DAPP1: variants seen among roughly 807,000 people sequenced by gnomAD.
DAPP1 encodes the protein dual adapter for phosphotyrosine and 3-phosphotyrosine and 3-phosphoinositide.
A neutral mutation model predicts 41.5 loss-of-function variants in DAPP1; 20 were observed. The ratio of observed to expected loss-of-function variants is 0.48; its 90% CI spans 0.34 to 0.70. The LOEUF is 0.70. Among genes scored for constraint, DAPP1 ranks in the 30% least tolerant of loss-of-function variants. The pLI is 0.01. For synonymous variants in DAPP1, 113 were observed against 116.2 expected, an observed-to-expected ratio of 0.97 and a Z score of 0.18; for missense variants, 233 against 333.4, an observed-to-expected ratio of 0.70 and a Z score of 2.35.
chr4:99,821,896 A>G (rs951397397), intron 1 of DAPP1, among the ~76,000 whole-genome samples: 6 of 152,254 alleles, frequency 3.9e-5, no homozygotes, highest in Non-Finnish European at 5.9e-5. Flanking sequence ...TCAGAACATT[A>G]TTGAATTTTG....
rs555970999 is a variant in DAPP1 at position 99,827,396 on chromosome 4, G to A, written c.102-8227G>A. Among the ~76,000 whole-genome samples the A allele has an allele frequency of 1.2e-4, 18 of 152,020 alleles. 1 individual carries two copies. Among genetic ancestry groups the A allele is most frequent in the Non-Finnish European group, 8.8e-5 (6 of 67,980 alleles). ...AAAAATACAAAAATTAGCCAGGTGT[G>A]GTGGTGGGCACTTGTAGTCCCAGCT... On this transcript the variant is annotated intron_variant, in intron 1 of 8. Coordinates refer to ENST00000512369, the MANE Select transcript of DAPP1 (RefSeq NM_014395.3).
At chr4:99,841,328 T>A (rs1723489402) in intron 3 of DAPP1, among the ~76,000 whole-genome samples, 1 of 152,216 alleles carries the variant, frequency 6.6e-6, no homozygotes, top group South Asian at 2.1e-4. Context: ...GTGGTGTGGG[T>A]AGTCCCTGAT....
At chr4:99,850,559 G>A (rs1335963211) in intron 3 of DAPP1, among the ~76,000 whole-genome samples, 1 of 152,164 alleles carries the variant, frequency 6.6e-6, no homozygotes, top group East Asian at 1.9e-4. Flanking sequence ...CATCAACTTT[G>A]AAGATAAAGT....
intron 4 of DAPP1, among the ~76,000 whole-genome samples, chr4:99,854,319 T>C (rs1723970491): frequency 6.6e-6 from 1 of 152,214 alleles, no homozygotes; most frequent in Non-Finnish European, 1.5e-5. Context: ...ACTCCTGGTA[T>C]AAGAAACCTC....
chr4:99,871,777 A>G (rs1365542083), downstream of DAPP1, among the ~76,000 whole-genome samples: 1 of 152,246 alleles, frequency 6.6e-6, no homozygotes, highest in Non-Finnish European at 1.5e-5. Flanking sequence ...AGGCATCATT[A>G]GAGGGGAAAG....
chr4:99,816,942 A>G lies in DAPP1; in HGVS notation c.29A>G (p.Lys10Arg). Residue 10 changes from lysine (K) to arginine (R), a missense_variant, in exon 1 of 9, where the codon AAG becomes AGG. By Grantham distance (26) the Lys-to-Arg change is conservative (BLOSUM62 2). Coordinates refer to ENST00000512369, the MANE Select transcript of DAPP1 (RefSeq NM_014395.3). MGRAELLEG[K>R]MSTQDPSDLW... ...GGCAGAGCAGAACTTCTAGAAGGGA[A>G]GATGAGCACCCAGGATCCCTCAGAT... The G allele has an allele frequency of 2.5e-6, 4 of 1,609,304 alleles. No homozygotes were observed. The highest frequency in any genetic ancestry group is 1.3e-5 in the African/African-American group (1 of 74,974).
At chr4:99,837,692 G>A (rs75309188) in intron 2 of DAPP1, among the ~76,000 whole-genome samples, 4,195 of 152,234 alleles carry the variant, frequency 0.028, 56 homozygotes, top group Middle Eastern at 0.041. Context: ...GCCACAGACC[G>A]GAGCAGCGGC....
intron 1 of DAPP1, among the ~76,000 whole-genome samples, chr4:99,830,764 TTCTCTCTCTCTCTCTTTCTCTTTC>T (rs1560690541): frequency 1.3e-5 from 2 of 151,238 alleles, no homozygotes. Flanking sequence ...AACTCTCTCT[TTCTCTCTCTCTCTCTTTCTCTTTC>T]TCTCTCTCTC....
At chr4:99,841,697 T>C (rs974669837) in intron 3 of DAPP1, among the ~76,000 whole-genome samples, 1 of 152,248 alleles carries the variant, frequency 6.6e-6, no homozygotes, top group African/African-American at 2.4e-5. Flanking sequence ...TCACTGGCCA[T>C]GTAGAGGAGA....
At chr4:99,842,995 A>C (rs1460634367) in intron 3 of DAPP1, among the ~76,000 whole-genome samples, 1 of 152,112 alleles carries the variant, frequency 6.6e-6, no homozygotes, top group African/African-American at 2.4e-5. Flanking sequence ...TTTGATTAAC[A>C]TCACCAGGAA....
intron 1 of DAPP1, among the ~76,000 whole-genome samples, chr4:99,818,285 C>G (rs1315839027): frequency 1.3e-5 from 2 of 152,154 alleles, no homozygotes; most frequent in South Asian, 4.1e-4. Flanking sequence ...GTAAAAGGCC[C>G]TTCTGTGAGC....
intron 1 of DAPP1, among the ~76,000 whole-genome samples, chr4:99,835,271 A>G (rs554041846): frequency 2.6e-5 from 4 of 152,138 alleles, no homozygotes; most frequent in Non-Finnish European, 5.9e-5. Context: ...GGCCTCCCAA[A>G]GTGCTGGGAT....
At chr4:99,860,570 T>C (rs1485611245) in intron 4 of DAPP1, among the ~76,000 whole-genome samples, 1 of 152,220 alleles carries the variant, frequency 6.6e-6, no homozygotes, top group Non-Finnish European at 1.5e-5. Context: ...ATCATAAGAT[T>C]TTAAAAGAAG....
chr4:99,855,314 A>G (rs1724007916), intron 4 of DAPP1, among the ~76,000 whole-genome samples: 1 of 152,190 alleles, frequency 6.6e-6, no homozygotes, highest in Admixed American at 6.5e-5. Context: ...AAAGATCTCC[A>G]CTCAAGGTCA....
At chr4:99,830,482 A>C (rs545020872) in intron 1 of DAPP1, among the ~76,000 whole-genome samples, 7 of 152,336 alleles carry the variant, frequency 4.6e-5, no homozygotes, top group Admixed American at 3.3e-4. Context: ...ATTAAGCCAC[A>C]GGCAGCTCTA....
Position 99,869,247 on chromosome 4 carries a change from A to G in DAPP1, c.*1062A>G, listed in dbSNP as rs1026874953. ...GCTACAAGAAATATGTAATAATGAT[A>G]GGTAATAATGTGTTCCAAAGCTTTT... On this transcript the variant is annotated 3_prime_UTR_variant, in exon 9 of 9. Transcript: ENST00000512369. 1 of 152,238 alleles carries G rather than the reference A, an allele frequency of 6.6e-6. No homozygotes were observed. The highest frequency in any genetic ancestry group is 1.5e-5 in the Non-Finnish European group (1 of 68,044). The allele number at this position is 152,238 out of a possible 1,614,324, so 9.4% of individuals were successfully genotyped here. A position where few individuals can be genotyped will look rare whatever the true frequency, so the allele number is the denominator to read the frequency against.
intron 3 of DAPP1, among the ~76,000 whole-genome samples, chr4:99,846,135 G>T (rs902136872): frequency 3.9e-5 from 6 of 152,152 alleles, no homozygotes; most frequent in African/African-American, 1.4e-4. Flanking sequence ...TTAGAAATGG[G>T]GAAGCAAAAA....
At chr4:99,823,020 A>C (rs902999066) in intron 1 of DAPP1, among the ~76,000 whole-genome samples, 1 of 152,316 alleles carries the variant, frequency 6.6e-6, no homozygotes, top group African/African-American at 2.4e-5. Context: ...AAATGTTTAT[A>C]ACTTTAAAAA....
chr4:99,824,581 T>C (rs1267273886), intron 1 of DAPP1, among the ~76,000 whole-genome samples: 2 of 152,172 alleles, frequency 1.3e-5, no homozygotes, highest in Admixed American at 1.3e-4. Flanking sequence ...AGCTGAAGCT[T>C]CCTGAAAGTG....
Sources: allele counts gnomAD v4.1 joint callset (sites outside exome capture counted in the v4.1 genomes callset), GRCh38; gene constraint gnomAD v4.1.1; transcripts MANE v1.5; gene names NCBI Gene and HGNC (gene_info 2026-07-23, HGNC 2026-07-21).